The following DCC variants were observed in gnomAD, a reference collection of about 807,000 sequenced individuals.
DCC encodes the protein netrin receptor DCC.
In DCC, 58 loss-of-function variants were observed where a neutral mutation model predicts 172.5. That is an observed-to-expected ratio of 0.34 (90% CI 0.27 to 0.42). The LOEUF (loss-of-function observed/expected upper bound fraction) is 0.42, where lower values mean the gene tolerates loss of function less well. Among genes scored for constraint, DCC ranks in the 10% least tolerant of loss-of-function variants. DCC has a pLI of 1.00. For missense variants in DCC, 1,740 were observed against 1,791.0 expected, an observed-to-expected ratio of 0.97 and a Z score of 0.51; for synonymous variants, 709 against 644.5, an observed-to-expected ratio of 1.10 and a Z score of -1.52.
intron 21 of DCC, among the ~76,000 whole-genome samples, chr18:53,418,953 G>T (rs1221917925): frequency 2.0e-5 from 3 of 151,514 alleles, no homozygotes; most frequent in Non-Finnish European, 4.4e-5. Context: ...CTCCTTTTTT[G>T]CATCACCCTA....
At chr18:52,542,854 T>A (rs2032501051) in intron 1 of DCC, among the ~76,000 whole-genome samples, 1 of 151,686 alleles carries the variant, frequency 6.6e-6, no homozygotes, top group Non-Finnish European at 1.5e-5. Flanking sequence ...AAAAAGCAAC[T>A]AGGAACAGGA....
chr18:52,415,591 T>C (rs1179050464), intron 1 of DCC, among the ~76,000 whole-genome samples: 2 of 152,006 alleles, frequency 1.3e-5, no homozygotes, highest in East Asian at 3.9e-4. Flanking sequence ...GGAAAGTGCA[T>C]AAGGCTGAGA....
At chr18:52,954,905 C>T (rs575779168) in intron 5 of DCC, among the ~76,000 whole-genome samples, 54 of 152,174 alleles carry the variant, frequency 3.5e-4, no homozygotes, top group African/African-American at 1.1e-3. Flanking sequence ...GTAAACTTTA[C>T]GAACAGGTTT....
At chr18:52,696,168 A>T (rs574321255) in intron 1 of DCC, among the ~76,000 whole-genome samples, 8 of 152,344 alleles carry the variant, frequency 5.3e-5, no homozygotes, top group African/African-American at 1.9e-4. Context: ...GGTCTTTAAG[A>T]TGTGAAACAT....
At chr18:53,419,003 C>T (rs1336357069) in intron 21 of DCC, among the ~76,000 whole-genome samples, 1 of 152,060 alleles carries the variant, frequency 6.6e-6, no homozygotes, top group Non-Finnish European at 1.5e-5. Context: ...TAGATTCTTC[C>T]AGGCACAGGT....
chr18:53,059,172 C>T (rs923194768), intron 5 of DCC, among the ~76,000 whole-genome samples: 25 of 151,984 alleles, frequency 1.6e-4, no homozygotes, highest in Admixed American at 4.6e-4. Flanking sequence ...GAGAACAGCA[C>T]GAGGGTAACT....
In DCC at chr18:53,428,366, TATA is replaced by T. The variant is rs1207199702; in HGVS notation, c.3164-6774_3164-6772del. ...ATAATATAATATATGTTGTATATAA[TATA>T]ATATTATAATATATTGTATATAATA... On this transcript the variant is annotated intron_variant, in intron 21 of 28. Transcript: ENST00000442544. Among the ~76,000 whole-genome samples, 53 of 49,486 alleles carry T rather than the reference TATA, an allele frequency of 1.1e-3. 6 individuals carry two copies. Among genetic ancestry groups the T allele is most frequent in the Admixed American group, 2.5e-3 (8 of 3,180 alleles). 32.5% of individuals were successfully genotyped at this position (49,486 alleles called of 152,430 possible).
chr18:52,708,587 G>A (rs2036248008), intron 1 of DCC, among the ~76,000 whole-genome samples: 1 of 152,130 alleles, frequency 6.6e-6, no homozygotes, highest in Non-Finnish European at 1.5e-5. Flanking sequence ...AGGGCAACTG[G>A]GGAATCTATC....
chr18:52,948,202 A>T (rs1046288121), intron 5 of DCC, among the ~76,000 whole-genome samples: 16 of 152,124 alleles, frequency 1.1e-4, no homozygotes, highest in Non-Finnish European at 2.4e-4. Context: ...TTTGTGTACA[A>T]TAGCTTCATA....
chr18:52,539,159 A>C (rs1362440892), intron 1 of DCC, among the ~76,000 whole-genome samples: 3 of 152,196 alleles, frequency 2.0e-5, no homozygotes, highest in East Asian at 3.8e-4. Context: ...TCTTCAATTC[A>C]AGATTTTGTG....
intron 1 of DCC, among the ~76,000 whole-genome samples, chr18:52,487,441 C>T (rs958085410): frequency 2.0e-5 from 3 of 152,092 alleles, no homozygotes; most frequent in African/African-American, 7.2e-5. Context: ...CATTTTGCCT[C>T]CCTGGGATGC....
chr18:52,469,491 T>TATTTGA (rs1988885703), intron 1 of DCC, among the ~76,000 whole-genome samples: 1 of 152,206 alleles, frequency 6.6e-6, no homozygotes, highest in South Asian at 2.1e-4. Context: ...AATATTTGAA[T>TATTTGA]ATACTTATTT....
At chr18:52,632,337 G>A (rs528119807) in intron 1 of DCC, among the ~76,000 whole-genome samples, 1 of 152,064 alleles carries the variant, frequency 6.6e-6, no homozygotes, top group South Asian at 2.1e-4. Flanking sequence ...ACAATACTTG[G>A]CACATAGTAA....
rs1467589831 is a variant in DCC at position 52,777,521 on chromosome 18, C to T, written c.412+25147C>T. On this transcript the variant is annotated intron_variant, in intron 2 of 28. Transcript: ENST00000442544. The stretch of plus-strand genomic sequence containing the variant: ...CCATGATAGCCCAGAATGATCATCT[C>T]ATCTCAAGATCCTTAATTACAAAAA... Among the ~76,000 whole-genome samples the T allele has an allele frequency of 2.6e-5, 4 of 152,146 alleles. No individual in the cohort carries two copies. The East Asian group carries it at 7.7e-4, about 29-fold the overall frequency.
At chr18:52,455,045 A>G (rs891556111) in intron 1 of DCC, among the ~76,000 whole-genome samples, 1 of 152,174 alleles carries the variant, frequency 6.6e-6, no homozygotes, top group Non-Finnish European at 1.5e-5. Flanking sequence ...ACTATATATT[A>G]TGAATTTAAT....
At chr18:53,322,644 G>A (rs190012705) in intron 14 of DCC, among the ~76,000 whole-genome samples, 26 of 151,648 alleles carry the variant, frequency 1.7e-4, no homozygotes, top group Admixed American at 1.6e-3. Flanking sequence ...TACTTTATTT[G>A]CTTAGCTGAT....
intron 1 of DCC, among the ~76,000 whole-genome samples, chr18:52,369,458 AGT>A (rs147090960): frequency 0.014 from 2,053 of 152,058 alleles, 31 homozygotes; most frequent in African/African-American, 0.046. Context: ...ATTTGTGTTG[AGT>A]GTGCATGGGT....
intron 12 of DCC, among the ~76,000 whole-genome samples, chr18:53,231,871 G>A (rs1264358438): frequency 5.9e-5 from 9 of 152,008 alleles, no homozygotes; most frequent in African/African-American, 2.2e-4. Flanking sequence ...TTATTTTGCT[G>A]ACTCAAAATA....
chr18:52,612,040 C>T (rs2144841793), intron 1 of DCC, among the ~76,000 whole-genome samples: 1 of 152,242 alleles, frequency 6.6e-6, no homozygotes, highest in Admixed American at 6.5e-5. Context: ...GGAGTTGAGG[C>T]ATTCATCCAC....
Sources: gnomAD v4.1 joint callset for allele counts (sites outside exome capture counted in the v4.1 genomes callset) on GRCh38, gnomAD v4.1.1 for gene constraint, MANE v1.5 for transcripts, NCBI Gene and HGNC (gene_info 2026-07-23, HGNC 2026-07-21) for gene names.